WIPF2: variants seen among roughly 807,000 people sequenced by gnomAD.
The protein encoded by WIPF2 is WAS/WASL interacting protein family member 2, also known as WAS/WASL-interacting protein family member 2.
WIPF2 carries 23 observed loss-of-function variants against 38.8 expected under a neutral mutation model. That is an observed-to-expected ratio of 0.59 (90% CI 0.43 to 0.84). WIPF2 has a LOEUF of 0.84. WIPF2 is among the 40% of genes least tolerant of loss of function. WIPF2 has a pLI of 0.00. For synonymous variants in WIPF2, 210 were observed against 223.2 expected, an observed-to-expected ratio of 0.94 and a Z score of 0.53; for missense variants, 574 against 580.5, an observed-to-expected ratio of 0.99 and a Z score of 0.11.
At chr17:40,231,449 C>T (rs1215282759) in intron 1 of WIPF2, among the ~76,000 whole-genome samples, 2 of 135,138 alleles carry the variant, frequency 1.5e-5, no homozygotes, top group East Asian at 2.2e-4. Context: ...TTTTTTGAGA[C>T]GGAGTCTTGC....
In WIPF2 at chr17:40,219,374, C is replaced by CGGT; in HGVS notation, c.-186_-185insTGG. ...GGGTTGGCAAAAGGGGCGGTGGCGG[C>CGGT]GGCGGCGGCGGCGGCGGCGGCGGCG... On this transcript the variant is annotated 5_prime_UTR_variant, in exon 1 of 8. Coordinates refer to ENST00000323571, the MANE Select transcript of WIPF2 (RefSeq NM_133264.5). 2.5e-6 allele frequency: 1 copy of CGGT among 394,694 alleles called. No homozygotes were observed. Among genetic ancestry groups the CGGT allele is most frequent in the South Asian group, 2.3e-5 (1 of 43,144 alleles). 24.4% of individuals were successfully genotyped at this position (394,694 alleles called of 1,614,324 possible).
Position 40,279,218 on chromosome 17 carries a change from A to T in WIPF2, c.*993A>T. The stretch of plus-strand genomic sequence containing the variant: ...TTGTCAGTGGCTCTTTCTGTCCTTC[A>T]GCCCCTGGAAGGTGCTCCAGGATAA... On this transcript the variant is annotated 3_prime_UTR_variant, in exon 8 of 8. Coordinates refer to ENST00000323571, the MANE Select transcript of WIPF2 (RefSeq NM_133264.5). 6.6e-6 allele frequency: 1 copy of T among 152,208 alleles called. No individual in the cohort carries two copies. The highest frequency in any genetic ancestry group is 1.9e-4 in the East Asian group (1 of 5,196). The allele number at this position is 152,208 out of a possible 1,614,324, so 9.4% of individuals were successfully genotyped here. A position where few individuals can be genotyped will look rare whatever the true frequency, so the allele number is the denominator to read the frequency against.
intron 2 of WIPF2, among the ~76,000 whole-genome samples, chr17:40,259,806 C>T (rs904766759): frequency 1.1e-4 from 16 of 152,152 alleles, no homozygotes; most frequent in Admixed American, 6.6e-4. Context: ...ATACCTTTCT[C>T]ATGGGAAGGT....
intron 3 of WIPF2, chr17:40,260,960 G>T (rs756904717): frequency 7.6e-6 from 3 of 393,550 alleles, no homozygotes; most frequent in Non-Finnish European, 1.4e-5. Flanking sequence ...CAAGGCTGCA[G>T]TGAGCTGTGA....
intron 1 of WIPF2, among the ~76,000 whole-genome samples, chr17:40,225,646 T>C (rs2030448324): frequency 6.6e-6 from 1 of 152,182 alleles, no homozygotes; most frequent in African/African-American, 2.4e-5. Flanking sequence ...TGTTTTGGGA[T>C]GGATCGTGAA....
In WIPF2 at chr17:40,262,733, G is replaced by T. The variant is rs2031952991; in HGVS notation, c.313+92G>T. On this transcript the variant is annotated intron_variant, in intron 4 of 7. Coordinates refer to ENST00000323571, the MANE Select transcript of WIPF2 (RefSeq NM_133264.5). ...ATCTCAGGTTGAGGAGTATGGTAGAGGTGGGGGGAAGAAAGACTTGGGAGT... is the reference window on the plus strand; with the variant it reads ...ATCTCAGGTTGAGGAGTATGGTAGATGTGGGGGGAAGAAAGACTTGGGAGT... The T allele has an allele frequency of 3.0e-6, 3 of 1,015,722 alleles. No homozygotes were observed. The African/African-American group carries it at 4.8e-5, about 16-fold the overall frequency. The allele number at this position is 1,015,722 out of a possible 1,614,324, so 62.9% of individuals were successfully genotyped here.
At chr17:40,264,131 G>A (rs1011196282) in intron 4 of WIPF2, among the ~76,000 whole-genome samples, 3 of 151,330 alleles carry the variant, frequency 2.0e-5, no homozygotes, top group Non-Finnish European at 4.4e-5. Context: ...TTGGGATTTC[G>A]AGACCAGCCT....
At chr17:40,227,709 G>A (rs927673643) in intron 1 of WIPF2, among the ~76,000 whole-genome samples, 8 of 151,780 alleles carry the variant, frequency 5.3e-5, no homozygotes, top group Admixed American at 2.6e-4. Context: ...AAAAATTAGC[G>A]GGGCATGGTG....
At chr17:40,269,510 C>G (rs923784980) in intron 5 of WIPF2, among the ~76,000 whole-genome samples, 8 of 149,302 alleles carry the variant, frequency 5.4e-5, no homozygotes, top group African/African-American at 2.0e-4. Flanking sequence ...GACCCTGCCT[C>G]AAAACCCGCC....
Position 40,237,940 on chromosome 17 carries a change from C to T in WIPF2, c.-70+18448C>T, listed in dbSNP as rs2031041610. On this transcript the variant is annotated intron_variant, in intron 1 of 7. Transcript: ENST00000323571. ...AATTAGCCAGGTGTGGTGACGTGCG[C>T]CTGTAATCCCAGCTACTCAGGAGGC... Among the ~76,000 whole-genome samples, 3 of 149,914 alleles carry T rather than the reference C, an allele frequency of 2.0e-5. No individual in the cohort carries two copies. In the South Asian group the frequency reaches 6.4e-4, roughly 32 times the overall value.
intron 1 of WIPF2, among the ~76,000 whole-genome samples, chr17:40,225,441 G>T (rs1441422122): frequency 6.6e-6 from 1 of 152,038 alleles, no homozygotes; most frequent in Non-Finnish European, 1.5e-5. Flanking sequence ...TAAGATTTTG[G>T]CTCATTTTGG....
chr17:40,250,225 T>TG, intron 1 of WIPF2, among the ~76,000 whole-genome samples: 1 of 107,506 alleles, frequency 9.3e-6, no homozygotes, highest in Non-Finnish European at 2.0e-5. Flanking sequence ...TCATGTTTTT[T>TG]TTTTTTTTTT....
intron 3 of WIPF2, among the ~76,000 whole-genome samples, chr17:40,261,765 C>T (rs2031913564): frequency 6.7e-6 from 1 of 149,916 alleles, no homozygotes; most frequent in South Asian, 2.1e-4. Flanking sequence ...TGGCTCACTG[C>T]AAGCTCCACC....
At chr17:40,235,370 C>G (rs144411243) in intron 1 of WIPF2, among the ~76,000 whole-genome samples, 28 of 152,248 alleles carry the variant, frequency 1.8e-4, no homozygotes, top group Middle Eastern at 3.4e-3. Flanking sequence ...ATTACCTTTA[C>G]TTCCTTGTGT....
In WIPF2 at chr17:40,219,406, A is replaced by ACGGC; in HGVS notation, c.-156_-155insCGGC. 1 of 388,190 alleles carries ACGGC rather than the reference A, an allele frequency of 2.6e-6. No homozygotes were observed. Among genetic ancestry groups the ACGGC allele is most frequent in the Non-Finnish European group, 4.9e-6 (1 of 204,168 alleles). 24.0% of individuals were successfully genotyped at this position (388,190 alleles called of 1,614,324 possible). On this transcript the variant is annotated 5_prime_UTR_variant, in exon 1 of 8. Transcript: ENST00000323571. The stretch of plus-strand genomic sequence containing the variant: ...GGCGGCGGCGGCGGCGGCGACGGCG[A>ACGGC]GAAAGAGCTTGCCGGGGGGCGAGCA...
intron 1 of WIPF2, among the ~76,000 whole-genome samples, chr17:40,238,069 GA>G (rs111646102): frequency 0.13 from 18,428 of 137,308 alleles, 1,244 homozygotes; most frequent in East Asian, 0.3. Flanking sequence ...CGTCTCAAAA[GA>G]AAAAAAAAAA....
chr17:40,222,587 T>TGTGTGTGTGTGTGTGTGTG (rs1027492144), intron 1 of WIPF2, among the ~76,000 whole-genome samples: 115 of 146,420 alleles, frequency 7.9e-4, no homozygotes, highest in African/African-American at 2.8e-3. Flanking sequence ...GTGTGTGTGT[T>TGTGTGTGTGTGTGTGTGTG]TGTGTGTGTG....
intron 1 of WIPF2, among the ~76,000 whole-genome samples, chr17:40,246,786 C>T (rs933938760): frequency 1.3e-5 from 2 of 151,992 alleles, no homozygotes; most frequent in South Asian, 2.1e-4. Context: ...TGAGAGAGAA[C>T]CCTAGAAAGA....
intron 1 of WIPF2, among the ~76,000 whole-genome samples, chr17:40,253,071 T>C (rs2031609322): frequency 6.7e-6 from 1 of 150,298 alleles, no homozygotes; most frequent in Non-Finnish European, 1.5e-5. Context: ...TGGACTTTTT[T>C]TTTTTTTTTG....
Sources: gnomAD v4.1 joint callset for allele counts (sites outside exome capture counted in the v4.1 genomes callset) on GRCh38, gnomAD v4.1.1 for gene constraint, MANE v1.5 for transcripts, NCBI Gene and HGNC (gene_info 2026-07-23, HGNC 2026-07-21) for gene names.